The following NWD2 variants were observed in gnomAD, a reference collection of about 807,000 sequenced individuals.
NWD2 encodes NACHT and WD repeat domain-containing protein 2.
A neutral mutation model predicts 132.7 loss-of-function variants in NWD2; 37 were observed. That is an observed-to-expected ratio of 0.28 (90% CI 0.21 to 0.37). The LOEUF (loss-of-function observed/expected upper bound fraction) is 0.37, where lower values mean the gene tolerates loss of function less well. NWD2 is among the 10% of genes least tolerant of loss of function. NWD2 has a pLI of 1.00. For missense variants in NWD2, 1,592 were observed against 2,122.4 expected, an observed-to-expected ratio of 0.75 and a Z score of 4.91; for synonymous variants, 705 against 803.0, an observed-to-expected ratio of 0.88 and a Z score of 2.06.
At chr4:37,345,692 TA>T (rs1240331847) in intron 2 of NWD2, among the ~76,000 whole-genome samples, 1 of 152,178 alleles carries the variant, frequency 6.6e-6, no homozygotes, top group Non-Finnish European at 1.5e-5. Flanking sequence ...ATCATAATTT[TA>T]AAAAAATTTT....
At chr4:37,266,657 G>A (rs925311534) in intron 1 of NWD2, among the ~76,000 whole-genome samples, 3 of 151,950 alleles carry the variant, frequency 2.0e-5, no homozygotes, top group Non-Finnish European at 4.4e-5. Flanking sequence ...ATTTACTGTC[G>A]CTACCAACTT....
chr4:37,269,144 T>C (rs1357777341), intron 1 of NWD2, among the ~76,000 whole-genome samples: 1 of 151,892 alleles, frequency 6.6e-6, no homozygotes, highest in African/African-American at 2.4e-5. Flanking sequence ...ATAGCCTGTT[T>C]TGTTTACATT....
chr4:37,246,091 GCT>G, intron 1 of NWD2, among the ~76,000 whole-genome samples: 1 of 152,152 alleles, frequency 6.6e-6, no homozygotes, highest in Non-Finnish European at 1.5e-5. Flanking sequence ...TGCAGGAATT[GCT>G]CTTTTCTAGG....
intron 3 of NWD2, among the ~76,000 whole-genome samples, chr4:37,395,450 G>C (rs1440346300): frequency 6.6e-6 from 1 of 151,320 alleles, no homozygotes; most frequent in Non-Finnish European, 1.5e-5. Context: ...CTTTCAAGTA[G>C]TAAGTCCAAG....
At chr4:37,324,610 C>T (rs1233711640) in intron 1 of NWD2, among the ~76,000 whole-genome samples, 1 of 152,174 alleles carries the variant, frequency 6.6e-6, no homozygotes, top group East Asian at 1.9e-4. Flanking sequence ...CTTTCATGTA[C>T]AGCTCCTCCG....
intron 2 of NWD2, among the ~76,000 whole-genome samples, chr4:37,338,826 T>C (rs1488009199): frequency 6.6e-6 from 1 of 152,238 alleles, no homozygotes; most frequent in Non-Finnish European, 1.5e-5. Flanking sequence ...TGTTTTTTTC[T>C]CCTCTGTCTC....
At chr4:37,409,456 TG>T (rs1721111813) in intron 3 of NWD2, among the ~76,000 whole-genome samples, 1 of 151,264 alleles carries the variant, frequency 6.6e-6, no homozygotes, top group African/African-American at 2.4e-5. Flanking sequence ...GACAAGATTA[TG>T]GAAAAAAAAT....
chr4:37,392,249 T>C (rs1720692486), intron 3 of NWD2, among the ~76,000 whole-genome samples: 1 of 152,096 alleles, frequency 6.6e-6, no homozygotes, highest in African/African-American at 2.4e-5. Flanking sequence ...AGCAAACTCT[T>C]AAATCCGTAC....
intron 2 of NWD2, among the ~76,000 whole-genome samples, chr4:37,330,352 T>C (rs1166062433): frequency 1.3e-5 from 2 of 152,130 alleles, no homozygotes; most frequent in African/African-American, 4.8e-5. Context: ...TTAAATAATA[T>C]GTTATTTGAT....
chr4:37,443,232 A>C lies in NWD2; in HGVS notation c.1297-53A>C. The C allele has an allele frequency of 7.0e-7, 1 of 1,422,164 alleles. No individual in the cohort carries two copies. The highest frequency in any genetic ancestry group is 9.6e-7 in the Non-Finnish European group (1 of 1,046,166). 88.1% of individuals were successfully genotyped at this position (1,422,164 alleles called of 1,614,324 possible). ...CTCTGGAGAGAGGCAATGTTATCAC[A>C]TATGACCATGTGAATACATATTACC... On this transcript the variant is annotated intron_variant, in intron 6 of 6. Coordinates refer to ENST00000309447, the MANE Select transcript of NWD2 (RefSeq NM_001144990.2). The surrounding 1 kb of genome is among the most constrained non-coding windows in gnomAD (Gnocchi z 4.1).
intron 1 of NWD2, among the ~76,000 whole-genome samples, chr4:37,322,465 A>C (rs1160034108): frequency 6.6e-6 from 1 of 152,184 alleles, no homozygotes; most frequent in East Asian, 1.9e-4. Flanking sequence ...GCAAGTGGGA[A>C]TATAATCTAA....
intron 2 of NWD2, among the ~76,000 whole-genome samples, chr4:37,344,934 C>T (rs764422765): frequency 6.6e-6 from 1 of 152,168 alleles, no homozygotes. Flanking sequence ...TATGGATTTG[C>T]CTATTCTGCA....
intron 1 of NWD2, among the ~76,000 whole-genome samples, chr4:37,295,410 T>C (rs957410295): frequency 3.9e-5 from 6 of 152,244 alleles, no homozygotes; most frequent in African/African-American, 1.4e-4. Flanking sequence ...TTTCTTCATT[T>C]GTAGTTGAAA....
At chr4:37,440,880 A>G (rs1218782985) in intron 6 of NWD2, among the ~76,000 whole-genome samples, 5 of 152,148 alleles carry the variant, frequency 3.3e-5, no homozygotes, top group African/African-American at 9.7e-5. Flanking sequence ...TATGGTGTTA[A>G]TTCTGAAGCT....
intron 3 of NWD2, among the ~76,000 whole-genome samples, chr4:37,418,340 C>T (rs1219696617): frequency 6.6e-6 from 1 of 152,014 alleles, no homozygotes; most frequent in East Asian, 1.9e-4. Flanking sequence ...GAAGAAGAGA[C>T]AAGTCTTCTA....
chr4:37,362,225 A>G (rs775151624), intron 3 of NWD2, among the ~76,000 whole-genome samples: 4 of 152,230 alleles, frequency 2.6e-5, no homozygotes, highest in Admixed American at 1.3e-4. Context: ...TCAATTCATT[A>G]AAGTGTTCAT....
At chr4:37,441,320 T>A (rs1047422784) in intron 6 of NWD2, among the ~76,000 whole-genome samples, 1 of 152,206 alleles carries the variant, frequency 6.6e-6, no homozygotes, top group African/African-American at 2.4e-5. Context: ...TTATTCCAAG[T>A]AAGCAAGATA....
chr4:37,307,588 G>A (rs1296669684), intron 1 of NWD2, among the ~76,000 whole-genome samples: 3 of 152,054 alleles, frequency 2.0e-5, no homozygotes, highest in Non-Finnish European at 4.4e-5. Flanking sequence ...TGACTATAAT[G>A]TTTCTCAGAG....
intron 1 of NWD2, among the ~76,000 whole-genome samples, chr4:37,322,600 T>G (rs1187659884): frequency 6.6e-6 from 1 of 152,104 alleles, no homozygotes; most frequent in South Asian, 2.1e-4. Flanking sequence ...CGTGAAGAGC[T>G]GGTAGGGGTT....
Sources: gnomAD v4.1 joint callset for allele counts (sites outside exome capture counted in the v4.1 genomes callset) on GRCh38, gnomAD v4.1.1 for gene constraint, Gnocchi (gnomAD v3.1) non-coding constraint, MANE v1.5 for transcripts, NCBI Gene and HGNC (gene_info 2026-07-23, HGNC 2026-07-21) for gene names.